The following THSD4 variants were observed in gnomAD, a reference collection of about 807,000 sequenced individuals.
The protein encoded by THSD4 is thrombospondin type-1 domain-containing protein 4.
In THSD4, 69 loss-of-function variants were observed where a neutral mutation model predicts 119.0. That is an observed-to-expected ratio of 0.58 (90% CI 0.48 to 0.71). The LOEUF is 0.71. Among genes scored for constraint, THSD4 ranks in the 30% least tolerant of loss-of-function variants. The pLI is 0.00. For missense variants in THSD4, 1,393 were observed against 1,391.1 expected, an observed-to-expected ratio of 1.00 and a Z score of -0.02; for synonymous variants, 524 against 540.4, an observed-to-expected ratio of 0.97 and a Z score of 0.42.
intron 3 of THSD4, among the ~76,000 whole-genome samples, chr15:71,196,333 A>G (rs2043719160): frequency 1.3e-5 from 2 of 152,244 alleles, no homozygotes; most frequent in South Asian, 4.1e-4. Flanking sequence ...TATAAATCAC[A>G]GAACCAGCGT....
intron 6 of THSD4, among the ~76,000 whole-genome samples, chr15:71,264,943 C>T (rs952050772): frequency 6.6e-6 from 1 of 152,008 alleles, no homozygotes; most frequent in Non-Finnish European, 1.5e-5. Flanking sequence ...GAGCCCTAAC[C>T]CCCAGCGTAT....
At chr15:71,502,732 T>C (rs933366619) in intron 7 of THSD4, among the ~76,000 whole-genome samples, 10 of 152,240 alleles carry the variant, frequency 6.6e-5, no homozygotes, top group African/African-American at 2.4e-4. Flanking sequence ...GAAGATCTTC[T>C]ACAGAAGATC....
intron 7 of THSD4, among the ~76,000 whole-genome samples, chr15:71,512,437 T>C (rs2048297315): frequency 6.6e-6 from 1 of 152,202 alleles, no homozygotes; most frequent in African/African-American, 2.4e-5. Context: ...ACAATAACTA[T>C]TAAAGACGAC....
chr15:71,512,512 C>T lies in THSD4; in HGVS notation c.1152+100689C>T, dbSNP rs539115770. ...ACTGCTTCTGAAATGATTATTTCTC[C>T]ACAAGAGCAAAAGACCAGTGAAATC... On this transcript the variant is annotated intron_variant, in intron 7 of 17. Transcript: ENST00000261862. 4.6e-5 allele frequency among the ~76,000 whole-genome samples: 7 copies of T among 152,250 alleles called. No individual in the cohort carries two copies. In the South Asian group the frequency reaches 1.5e-3, roughly 32 times the overall value.
intron 7 of THSD4, among the ~76,000 whole-genome samples, chr15:71,610,673 A>G (rs558339357): frequency 6.8e-4 from 103 of 152,214 alleles, no homozygotes; most frequent in Non-Finnish European, 1.2e-3. Context: ...ATACTTATAT[A>G]CATACATACA....
Position 71,363,700 on chromosome 15 carries a change from T to C in THSD4, c.1016-47987T>C, listed in dbSNP as rs147878233. The stretch of plus-strand genomic sequence containing the variant: ...TGGTTCAAAGGAGAGAACGGACACA[T>C]ATAGAGGTCATCAGGTATGCGGAAA... On this transcript the variant is annotated intron_variant, in intron 6 of 17. Coordinates refer to ENST00000261862, the MANE Select transcript of THSD4 (RefSeq NM_024817.3). Among the ~76,000 whole-genome samples, 189 of 152,258 alleles carry C rather than the reference T, an allele frequency of 1.2e-3. 2 individuals are homozygous for C. Among genetic ancestry groups the C allele is most frequent in the East Asian group, 0.011 (58 of 5,184 alleles).
intron 8 of THSD4, among the ~76,000 whole-genome samples, chr15:71,666,727 C>G (rs2051424543): frequency 6.6e-6 from 1 of 152,196 alleles, no homozygotes; most frequent in Non-Finnish European, 1.5e-5. Flanking sequence ...AAATTTAAAA[C>G]TTAAAAACTA....
chr15:71,481,127 C>A (rs1418418603), intron 7 of THSD4, among the ~76,000 whole-genome samples: 1 of 151,974 alleles, frequency 6.6e-6, no homozygotes, highest in Admixed American at 6.6e-5. Flanking sequence ...CAAATAAAAA[C>A]CTGCATTTGA....
intron 8 of THSD4, among the ~76,000 whole-genome samples, chr15:71,685,316 T>C (rs1405064149): frequency 6.6e-6 from 1 of 152,102 alleles, no homozygotes; most frequent in African/African-American, 2.4e-5. Context: ...CCTTTTCTCC[T>C]CTTTAAAACT....
chr15:71,144,216 C>T (rs2040634585), intron 2 of THSD4, among the ~76,000 whole-genome samples: 1 of 152,162 alleles, frequency 6.6e-6, no homozygotes, highest in East Asian at 1.9e-4. Flanking sequence ...TTGAGATTCC[C>T]ATCAAACTCC....
intron 6 of THSD4, among the ~76,000 whole-genome samples, chr15:71,276,800 G>A (rs781461987): frequency 2.0e-5 from 3 of 152,192 alleles, no homozygotes; most frequent in Non-Finnish European, 2.9e-5. Context: ...TTGTCTAAAT[G>A]TATTCACATT....
At chr15:71,517,611 A>T (rs1169869826) in intron 7 of THSD4, among the ~76,000 whole-genome samples, 2 of 152,224 alleles carry the variant, frequency 1.3e-5, no homozygotes, top group East Asian at 3.8e-4. Context: ...AAGATGTGAT[A>T]AGTCTCACTG....
intron 7 of THSD4, among the ~76,000 whole-genome samples, chr15:71,492,471 G>C (rs991819418): frequency 1.3e-5 from 2 of 151,840 alleles, no homozygotes; most frequent in African/African-American, 2.4e-5. Flanking sequence ...TTTTAATAGA[G>C]GGGGGGAGTT....
chr15:71,293,477 G>A (rs2044820778), intron 6 of THSD4, among the ~76,000 whole-genome samples: 1 of 151,996 alleles, frequency 6.6e-6, no homozygotes, highest in African/African-American at 2.4e-5. Context: ...GGAGGAGCAT[G>A]GGGGTTACGT....
intron 7 of THSD4, among the ~76,000 whole-genome samples, chr15:71,421,695 A>G (rs1337772176): frequency 2.6e-5 from 4 of 152,088 alleles, no homozygotes; most frequent in Non-Finnish European, 5.9e-5. Flanking sequence ...TCTTGTACTT[A>G]AATATTGATA....
chr15:71,114,178 T>G (rs1369413269), upstream of THSD4, among the ~76,000 whole-genome samples: 1 of 152,152 alleles, frequency 6.6e-6, no homozygotes, highest in East Asian at 1.9e-4. Context: ...ATGGTGTTTC[T>G]TTCTTTGGCC....
intron 6 of THSD4, among the ~76,000 whole-genome samples, chr15:71,289,794 C>T (rs557213090): frequency 6.6e-6 from 1 of 152,216 alleles, no homozygotes; most frequent in South Asian, 2.1e-4. Flanking sequence ...TTATGACTTG[C>T]CAGGAACAAG....
chr15:71,746,779 G>A (rs947843294), intron 12 of THSD4, 59 bp from the exon 13 acceptor site: 106 of 1,567,430 alleles, frequency 6.8e-5, no homozygotes, highest in Non-Finnish European at 8.7e-5. Flanking sequence ...GCGGGCTCAC[G>A]CTGACTTCCT....
intron 3 of THSD4, among the ~76,000 whole-genome samples, chr15:71,199,916 GGTGTGT>G (rs148622409): frequency 8.6e-6 from 1 of 116,052 alleles, no homozygotes; most frequent in African/African-American, 2.9e-5. Flanking sequence ...GCATGTGTGG[GGTGTGT>G]GTGTGTGTGT....
Sources: allele counts gnomAD v4.1 joint callset (sites outside exome capture counted in the v4.1 genomes callset), GRCh38; gene constraint gnomAD v4.1.1; transcripts MANE v1.5; gene names NCBI Gene and HGNC (gene_info 2026-07-23, HGNC 2026-07-21).